CDH4: variants seen among roughly 807,000 people sequenced by gnomAD.
CDH4 encodes cadherin 4.
In CDH4, 33 loss-of-function variants were observed where a neutral mutation model predicts 86.0. The ratio of observed to expected loss-of-function variants is 0.38; its 90% CI spans 0.29 to 0.51. The LOEUF is 0.51. Ranked by LOEUF, CDH4 falls within the 20% of genes least tolerant of loss-of-function variation. The pLI is 0.86. For missense variants in CDH4, 1,114 were observed against 1,307.4 expected, an observed-to-expected ratio of 0.85 and a Z score of 2.28; for synonymous variants, 555 against 549.4, an observed-to-expected ratio of 1.01 and a Z score of -0.14.
rs2086059518 is a variant in CDH4, at chr20:61,544,128, T to C, written c.170-199435T>C. Among the ~76,000 whole-genome samples, 2 of 152,260 alleles carry C rather than the reference T, an allele frequency of 1.3e-5. No individual in the cohort carries two copies. Among genetic ancestry groups the C allele is most frequent in the African/African-American group, 4.8e-5 (2 of 41,560 alleles). ...CCACACCTGCCTCTTGGCACTACAC[T>C]GTGTGGTCCGGTCCCACGGCCATGT... On this transcript the variant is annotated intron_variant, in intron 2 of 15. Transcript: ENST00000614565. This position sits in a 1 kb window ranked among gnomAD's most constrained non-coding sequence, Gnocchi z 6.5.
At chr20:61,637,745 G>A (rs2086961826) in intron 2 of CDH4, among the ~76,000 whole-genome samples, 1 of 152,204 alleles carries the variant, frequency 6.6e-6, no homozygotes, top group Non-Finnish European at 1.5e-5. Context: ...ATATGGCCGG[G>A]TGTGGTGGCT....
intron 2 of CDH4, among the ~76,000 whole-genome samples, chr20:61,654,629 C>G (rs144706083): frequency 6.6e-6 from 1 of 152,136 alleles, no homozygotes; most frequent in Non-Finnish European, 1.5e-5. Flanking sequence ...AGTCCATTTC[C>G]GAGGTTCGTT....
Position 61,812,780 on chromosome 20 carries a change from A to G in CDH4, c.577-31888A>G, listed in dbSNP as rs898862742. On this transcript the variant is annotated intron_variant, in intron 4 of 15. Transcript: ENST00000614565. ...TTGTACAAAATGCTTGCAACCTCCT[A>G]TCCCTCCCTCAACTACTGTATCCCA... Among the ~76,000 whole-genome samples the G allele has an allele frequency of 4.6e-5, 7 of 152,216 alleles. No individual in the cohort carries two copies. In the South Asian group the frequency reaches 1.0e-3, roughly 23 times the overall value.
At position 61,728,783 on chromosome 20, in the gene CDH4, T is replaced by G. The variant is rs537787491; in HGVS notation, c.170-14780T>G. 9.6e-4 allele frequency among the ~76,000 whole-genome samples: 146 copies of G among 152,326 alleles called. 4 individuals carry two copies. In the South Asian group the frequency reaches 0.03, roughly 31 times the overall value. ...GTTCATGAAATGTTAGTTCCAGATA[T>G]TCAATAAAAATGTGACGTTTTTAAG... is the stretch of plus-strand genomic sequence containing the variant. On this transcript the variant is annotated intron_variant, in intron 2 of 15. Coordinates refer to ENST00000614565, the MANE Select transcript of CDH4 (RefSeq NM_001794.5).
intron 2 of CDH4, among the ~76,000 whole-genome samples, chr20:61,706,748 A>G (rs1319768678): frequency 6.6e-6 from 1 of 152,238 alleles, no homozygotes; most frequent in Non-Finnish European, 1.5e-5. Flanking sequence ...CAGTGGGAAC[A>G]GTGGTTGGGA....
chr20:61,841,730 T>A (rs574527235), intron 4 of CDH4, among the ~76,000 whole-genome samples: 1 of 152,010 alleles, frequency 6.6e-6, no homozygotes, highest in South Asian at 2.1e-4. Context: ...TCACAGACTG[T>A]GAGTGTGTGC....
At position 61,918,284 on chromosome 20, in the gene CDH4, G is replaced by A. The variant is rs1260911222; in HGVS notation, c.1375-5167G>A. ...CTGGATCAGGCGTCCCTTCAGGCTT[G>A]CAGTCAGCTTGGGCTGTGGAAGGTT... On this transcript the variant is annotated intron_variant, in intron 9 of 15. Transcript: ENST00000614565. 2.0e-5 allele frequency among the ~76,000 whole-genome samples: 3 copies of A among 152,344 alleles called. No individual in the cohort carries two copies. In the East Asian group the frequency reaches 5.8e-4, roughly 29 times the overall value.
intron 2 of CDH4, among the ~76,000 whole-genome samples, chr20:61,668,874 C>T (rs1474171480): frequency 1.3e-5 from 2 of 152,218 alleles, no homozygotes; most frequent in Non-Finnish European, 2.9e-5. Context: ...TAGGATCCAC[C>T]AGCAGGCCCG....
chr20:61,427,702 C>A (rs1473254751), intron 2 of CDH4, among the ~76,000 whole-genome samples: 1 of 151,916 alleles, frequency 6.6e-6, no homozygotes, highest in Non-Finnish European at 1.5e-5. Context: ...CTCCAGACCC[C>A]CAATTTCGTG....
At chr20:61,285,816 C>T (rs949946743) in intron 2 of CDH4, among the ~76,000 whole-genome samples, 2 of 152,256 alleles carry the variant, frequency 1.3e-5, no homozygotes, top group Non-Finnish European at 1.5e-5. Context: ...CTGGCGCAGA[C>T]GCCCCTGAAA....
At chr20:61,695,485 G>C (rs1438235401) in intron 2 of CDH4, among the ~76,000 whole-genome samples, 1 of 152,160 alleles carries the variant, frequency 6.6e-6, no homozygotes, top group African/African-American at 2.4e-5. Context: ...TTTCCATGGT[G>C]CCTCTCATCC....
Position 61,623,802 on chromosome 20 carries a change from C to T in CDH4, c.170-119761C>T, listed in dbSNP as rs565513531. 6.6e-6 allele frequency among the ~76,000 whole-genome samples: 1 copy of T among 152,022 alleles called. No individual in the cohort carries two copies. Among genetic ancestry groups the T allele is most frequent in the African/African-American group, 2.4e-5 (1 of 41,460 alleles). On this transcript the variant is annotated intron_variant, in intron 2 of 15. Transcript: ENST00000614565. This position sits in a 1 kb window ranked among gnomAD's most constrained non-coding sequence, Gnocchi z 4.4. Reference sequence around the variant, plus strand: ...AAGACACGGTTCCTAGAGCGAGGAACACCCCAGAATCTGAGCAGGAAGGAC... The same window carrying T: ...AAGACACGGTTCCTAGAGCGAGGAATACCCCAGAATCTGAGCAGGAAGGAC...
chr20:61,331,636 GAC>G (rs113027711), intron 2 of CDH4, among the ~76,000 whole-genome samples: 781 of 39,232 alleles, frequency 0.02, 1 homozygote, highest in East Asian at 0.03. Flanking sequence ...TCCTGCCCCA[GAC>G]CCACCTCCCG....
intron 7 of CDH4, among the ~76,000 whole-genome samples, chr20:61,880,008 G>A (rs545103529): frequency 3.5e-4 from 53 of 152,262 alleles, no homozygotes; most frequent in African/African-American, 9.6e-4. Context: ...ACACCTCCCC[G>A]AACGTCTTCA....
intron 2 of CDH4, among the ~76,000 whole-genome samples, chr20:61,602,392 A>C (rs1274878173): frequency 6.6e-6 from 1 of 152,220 alleles, no homozygotes. Context: ...GGAAACTCAC[A>C]TGTCTTAACT....
intron 2 of CDH4, among the ~76,000 whole-genome samples, chr20:61,346,736 T>G (rs1023383640): frequency 3.2e-4 from 38 of 119,896 alleles, no homozygotes; most frequent in Non-Finnish European, 6.1e-4. Context: ...AGAGCGAGAC[T>G]CTGTCAAAAA....
chr20:61,652,934 A>ATTTTTTTTTTTTTTTTTTTTTTTTT (rs1378064808), intron 2 of CDH4, among the ~76,000 whole-genome samples: 9 of 102,998 alleles, frequency 8.7e-5, no homozygotes, highest in Admixed American at 1.9e-4. Flanking sequence ...TTATTTATTT[A>ATTTTTTTTTTTTTTTTTTTTTTTTT]TTTATTTTTT....
intron 3 of CDH4, among the ~76,000 whole-genome samples, chr20:61,762,585 T>A (rs763550845): frequency 1.1e-4 from 16 of 152,216 alleles, no homozygotes; most frequent in Non-Finnish European, 2.1e-4. Context: ...CACTGCACTC[T>A]GTCCAGCCTG....
chr20:61,898,526 A>C (rs559540942), intron 8 of CDH4, among the ~76,000 whole-genome samples: 10 of 152,256 alleles, frequency 6.6e-5, no homozygotes, highest in Non-Finnish European at 8.8e-5. Context: ...GTTCTCAGGG[A>C]CAGGTCCAGA....
Sources: gnomAD v4.1 joint callset for allele counts (sites outside exome capture counted in the v4.1 genomes callset) on GRCh38, gnomAD v4.1.1 for gene constraint, Gnocchi (gnomAD v3.1) non-coding constraint, MANE v1.5 for transcripts, NCBI Gene and HGNC (gene_info 2026-07-23, HGNC 2026-07-21) for gene names.